The following DNM1L variants were observed in gnomAD, a reference collection of about 807,000 sequenced individuals.
DNM1L encodes dynamin 1L, also known as dynamin-1-like protein.
DNM1L carries 33 observed loss-of-function variants against 92.8 expected under a neutral mutation model. That is an observed-to-expected ratio of 0.36 (90% CI 0.27 to 0.48). The LOEUF (loss-of-function observed/expected upper bound fraction) is 0.48. Ranked by LOEUF, DNM1L falls within the 20% of genes least tolerant of loss-of-function variation. The probability of loss-of-function intolerance (pLI) is 0.99; values close to 1 mark genes in which losing one functional copy is unlikely to be tolerated. For synonymous variants in DNM1L, 284 were observed against 305.0 expected (o/e 0.93, Z 0.72); for missense variants, 485 against 888.8 (o/e 0.55, Z 5.78).
chr12:32,724,661 TA>T (rs1414803985), intron 9 of DNM1L, among the ~76,000 whole-genome samples: 268 of 139,920 alleles, frequency 1.9e-3, no homozygotes, highest in African/African-American at 6.8e-3. Context: ...TTAATATATA[TA>T]TAAAAAATAA....
rs10844314 is a variant in DNM1L at position 32,718,547 on chromosome 12, G to A, written c.620-96G>A. On this transcript the variant is annotated intron_variant, in intron 6 of 19. Coordinates refer to ENST00000549701, the MANE Select transcript of DNM1L (RefSeq NM_012062.5). Reference sequence around the variant, plus strand: ...GACAGAGGTAATACTAAGTGGGATTGTAGATGAGGGTTTTCCTTTATTAAC... The same window carrying A: ...GACAGAGGTAATACTAAGTGGGATTATAGATGAGGGTTTTCCTTTATTAAC... The A allele has an allele frequency of 0.14, 209,900 of 1,496,124 alleles. 15,339 individuals are homozygous for A. The highest frequency in any genetic ancestry group is 0.22 in the African/African-American group (15,664 of 72,254). The allele number at this position is 1,496,124 out of a possible 1,614,324, so 92.7% of individuals were successfully genotyped here. A position where few individuals can be genotyped will look rare whatever the true frequency, so the allele number is the denominator to read the frequency against.
At chr12:32,686,904 C>T (rs1013322442) in intron 1 of DNM1L, among the ~76,000 whole-genome samples, 2 of 135,196 alleles carry the variant, frequency 1.5e-5, no homozygotes, top group African/African-American at 5.5e-5. Flanking sequence ...TTGGGGTTGT[C>T]TTATTGTTGA....
rs1170078467 is a variant in DNM1L at position 32,701,640 on chromosome 12, A to G, written c.250+78A>G. ...TCTTAAAAAGATATGAATTGATTAG[A>G]TAATTAGAAATTAGTGACTGTAGCA... On this transcript the variant is annotated intron_variant, in intron 2 of 19. Transcript: ENST00000549701. 3 of 1,304,720 alleles carry G rather than the reference A, an allele frequency of 2.3e-6. No individual in the cohort carries two copies. In the African/African-American group the frequency reaches 4.4e-5, roughly 19 times the overall value. The allele number at this position is 1,304,720 out of a possible 1,614,324, so 80.8% of individuals were successfully genotyped here.
At chr12:32,707,450 A>G (rs962180979) in intron 3 of DNM1L, 37 bp downstream of exon 3, 1 of 1,436,002 alleles carries the variant, frequency 7.0e-7, no homozygotes, top group Non-Finnish European at 9.5e-7. Context: ...AATAATGTTG[A>G]AAAAAATATA....
At position 32,710,961 on chromosome 12, in the gene DNM1L, T is replaced by A; in HGVS notation, c.402T>A (p.Ile134=). 6.2e-7 allele frequency: 1 copy of A among 1,613,996 alleles called. No individual in the cohort carries two copies. Among genetic ancestry groups the A allele is most frequent in the Non-Finnish European group, 8.5e-7 (1 of 1,179,952 alleles). The change falls in exon 5 of 20, where the codon ATT becomes ATA. Residue 134 remains isoleucine (I), a synonymous_variant. Coordinates refer to ENST00000549701, the MANE Select transcript of DNM1L (RefSeq NM_012062.5). ...GVSPEPIHLK[I]FSPNVVNLTL... is the part of the protein sequence containing the mutation. Reference sequence around the variant, plus strand: ...GCCCTGAACCAATTCATCTTAAGATTTTTTCACCCAACGTTGTCAATTTGA... The same window carrying A: ...GCCCTGAACCAATTCATCTTAAGATATTTTCACCCAACGTTGTCAATTTGA...
chr12:32,711,046 GGTT>G, intron 5 of DNM1L, 31 bp downstream of exon 5: 1 of 1,597,156 alleles, frequency 6.3e-7, no homozygotes, highest in South Asian at 1.1e-5. Flanking sequence ...GATTTGGTCA[GGTT>G]GTTTTCACTT....
rs761835298 is a variant in DNM1L, at chr12:32,713,238, T to C, written c.486T>C (p.Ile162=). 12 of 1,614,006 alleles carry C rather than the reference T, an allele frequency of 7.4e-6. No individual in the cohort carries two copies. The Admixed American group carries it at 8.3e-5, about 11-fold the overall frequency. ...KVPVGDQPKD[I]ELQIRELILR... The stretch of plus-strand genomic sequence containing the variant: ...CTGTAGGTGATCAACCTAAGGATAT[T>C]GAGCTTCAAATCAGAGAGCTCATTC... Residue 162 remains isoleucine, a synonymous_variant, in exon 6 of 20, where the codon ATT becomes ATC. Transcript: ENST00000549701.
intron 1 of DNM1L, among the ~76,000 whole-genome samples, chr12:32,686,142 C>T (rs1361889258): frequency 1.3e-5 from 2 of 150,328 alleles, no homozygotes; most frequent in Non-Finnish European, 3.0e-5. Flanking sequence ...CCTCCACCTC[C>T]CGGGTTCAAG....
chr12:32,708,023 T>C lies in DNM1L; in HGVS notation c.298-130T>C, dbSNP rs1035510331. On this transcript the variant is annotated intron_variant, in intron 3 of 19. Coordinates refer to ENST00000549701, the MANE Select transcript of DNM1L (RefSeq NM_012062.5). ...AAATCCTTAGCTCAGAAAATATGTA[T>C]ACATTAGAATTTTATTTATTTTCTG... 5.0e-6 allele frequency: 3 copies of C among 597,680 alleles called. No individual in the cohort carries two copies. The African/African-American group carries it at 5.7e-5, about 11-fold the overall frequency. 37.0% of individuals were successfully genotyped at this position (597,680 alleles called of 1,614,324 possible).
intron 1 of DNM1L, among the ~76,000 whole-genome samples, chr12:32,691,853 G>A: frequency 6.6e-6 from 1 of 152,000 alleles, no homozygotes; most frequent in East Asian, 1.9e-4. Context: ...GCTGAAGTAC[G>A]ACATCTTCAG....
chr12:32,712,085 G>C (rs1953146782), intron 5 of DNM1L, among the ~76,000 whole-genome samples: 2 of 152,014 alleles, frequency 1.3e-5, no homozygotes, highest in Admixed American at 1.3e-4. Flanking sequence ...CATGCTACCT[G>C]GATTACTGCA....
chr12:32,733,907 G>A (rs760368521), intron 13 of DNM1L, 100 bp downstream of exon 13: 1 of 1,042,754 alleles, frequency 9.6e-7, no homozygotes, highest in Non-Finnish European at 1.5e-6. Flanking sequence ...AAATAGACAT[G>A]TGCCACATTA....
At chr12:32,715,999 T>C (rs1953347070) in intron 6 of DNM1L, among the ~76,000 whole-genome samples, 1 of 152,292 alleles carries the variant, frequency 6.6e-6, no homozygotes, top group South Asian at 2.1e-4. Context: ...AACTCACATA[T>C]TCCTCAGATG....
chr12:32,721,851 A>C (rs927492732), intron 8 of DNM1L, among the ~76,000 whole-genome samples: 19 of 152,154 alleles, frequency 1.2e-4, no homozygotes, highest in African/African-American at 4.1e-4. Context: ...AATTTGTTAG[A>C]GTGGCTCACA....
chr12:32,708,895 T>A (rs893904364), intron 4 of DNM1L, among the ~76,000 whole-genome samples: 9 of 152,134 alleles, frequency 5.9e-5, no homozygotes, highest in Non-Finnish European at 1.3e-4. Context: ...ATATATATTA[T>A]CTCTTGAGAT....
rs1955476206 is a variant in DNM1L at position 32,743,750 on chromosome 12, T to TTAGTA, written c.*341_*345dup. On this transcript the variant is annotated 3_prime_UTR_variant, in exon 20 of 20. Transcript: ENST00000549701. ...AAGATGACCTGTGTAATAATCTTTG[T>TTAGTA]TAGTAGTCTTAAAGCTGCTGCCATA... The TTAGTA allele has an allele frequency of 3.3e-6, 1 of 303,784 alleles. No homozygotes were observed. The highest frequency in any genetic ancestry group is 4.3e-5 in the South Asian group (1 of 23,284). The allele number at this position is 303,784 out of a possible 1,614,324, so 18.8% of individuals were successfully genotyped here. A position where few individuals can be genotyped will look rare whatever the true frequency, so the allele number is the denominator to read the frequency against.
At chr12:32,697,867 T>C (rs114453195) in intron 1 of DNM1L, among the ~76,000 whole-genome samples, 3,088 of 152,092 alleles carry the variant, frequency 0.02, 102 homozygotes, top group African/African-American at 0.072. Context: ...ATCAATTTAA[T>C]AGTCATTTGG....
In DNM1L at chr12:32,679,328, G is replaced by A; in HGVS notation, c.-36G>A. On this transcript the variant is annotated 5_prime_UTR_variant, in exon 1 of 20. Transcript: ENST00000549701. The stretch of plus-strand genomic sequence containing the variant: ...GGGCCCCGGCCCCATTCATTGCCGT[G>A]GCCGGCGGGCACTGGGGCCCCGTGT... 2 of 1,444,186 alleles carry A rather than the reference G, an allele frequency of 1.4e-6. No individual in the cohort carries two copies. Among genetic ancestry groups the A allele is most frequent in the South Asian group, 2.3e-5 (2 of 86,788 alleles). 89.5% of individuals were successfully genotyped at this position (1,444,186 alleles called of 1,614,324 possible). A position where few individuals can be genotyped will look rare whatever the true frequency, so the allele number is the denominator to read the frequency against.
Position 32,744,708 on chromosome 12 carries a change from C to G in DNM1L, c.*1298C>G. On this transcript the variant is annotated 3_prime_UTR_variant, in exon 20 of 20. Coordinates refer to ENST00000549701, the MANE Select transcript of DNM1L (RefSeq NM_012062.5). ...AGCCTTGGCAACAAGAGCGAAACTCCGTCTCAAAAAAAAAAAATAAAACAA... is the reference window on the plus strand; with the variant it reads ...AGCCTTGGCAACAAGAGCGAAACTCGGTCTCAAAAAAAAAAAATAAAACAA... 1 of 351,930 alleles carries G rather than the reference C, an allele frequency of 2.8e-6. No homozygotes were observed. Among genetic ancestry groups the G allele is most frequent in the South Asian group, 2.3e-5 (1 of 44,412 alleles). 21.8% of individuals were successfully genotyped at this position (351,930 alleles called of 1,614,324 possible).
Sources: gnomAD v4.1 joint callset for allele counts (sites outside exome capture counted in the v4.1 genomes callset) on GRCh38, gnomAD v4.1.1 for gene constraint, MANE v1.5 for transcripts, NCBI Gene and HGNC (gene_info 2026-07-23, HGNC 2026-07-21) for gene names.